HACD3: variants seen among roughly 807,000 people sequenced by gnomAD.
The protein encoded by HACD3 is 3-hydroxyacyl-CoA dehydratase 3, also known as very-long-chain (3R)-3-hydroxyacyl-CoA dehydratase 3.
HACD3 carries 30 observed loss-of-function variants against 55.2 expected under a neutral mutation model. The observed-to-expected ratio is 0.54, with a 90% CI of 0.41 to 0.74. The LOEUF is 0.74. Among genes scored for constraint, HACD3 ranks in the 30% least tolerant of loss-of-function variants. The probability of loss-of-function intolerance (pLI) is 0.00; values close to 1 mark genes in which losing one functional copy is unlikely to be tolerated. For synonymous variants in HACD3, 141 were observed against 151.7 expected (o/e 0.93, Z 0.52); for missense variants, 363 against 440.1 (o/e 0.82, Z 1.57).
intron 1 of HACD3, among the ~76,000 whole-genome samples, chr15:65,537,266 A>G (rs997661782): frequency 2.0e-5 from 3 of 152,220 alleles, no homozygotes; most frequent in East Asian, 3.9e-4. Flanking sequence ...CAGAAGATCT[A>G]ACTAAGATCC....
intron 10 of HACD3, among the ~76,000 whole-genome samples, chr15:65,575,127 A>T (rs1485265690): frequency 6.6e-6 from 1 of 152,028 alleles, no homozygotes; most frequent in Non-Finnish European, 1.5e-5. Flanking sequence ...TTTCACATTT[A>T]TAATTTTGAA....
chr15:65,546,682 C>A (rs1239606538), intron 1 of HACD3, among the ~76,000 whole-genome samples: 1 of 152,218 alleles, frequency 6.6e-6, no homozygotes, highest in Non-Finnish European at 1.5e-5. Context: ...ATCAAGTGAT[C>A]TGCCTGCTTT....
chr15:65,563,016 G>A, intron 6 of HACD3, 132 bp downstream of exon 6: 1 of 1,364,704 alleles, frequency 7.3e-7, no homozygotes, highest in African/African-American at 1.5e-5. Context: ...ACTTTTCGTT[G>A]TGCTTTCATA....
At chr15:65,573,688 T>G (rs2072373936) in intron 10 of HACD3, among the ~76,000 whole-genome samples, 3 of 152,212 alleles carry the variant, frequency 2.0e-5, no homozygotes, top group Admixed American at 2.0e-4. Flanking sequence ...ATATTATCTA[T>G]ACTATACTCT....
At chr15:65,556,935 G>C in intron 4 of HACD3, 32 bp downstream of exon 4, 2 of 1,583,876 alleles carry the variant, frequency 1.3e-6, no homozygotes, top group Non-Finnish European at 1.7e-6. Flanking sequence ...TAGCCATTGA[G>C]GACAAATCAT....
chr15:65,568,201 C>T (rs1434069350), intron 7 of HACD3, among the ~76,000 whole-genome samples: 2 of 151,736 alleles, frequency 1.3e-5, no homozygotes, highest in African/African-American at 2.4e-5. Context: ...GGATTACAGA[C>T]GTGAGCCACC....
intron 10 of HACD3, 61 bp downstream of exon 10, chr15:65,572,427 T>C (rs1050335401): frequency 7.0e-7 from 1 of 1,438,066 alleles, no homozygotes; most frequent in Admixed American, 2.7e-5. Flanking sequence ...TAGAATTAAA[T>C]CATTCAGAAA....
intron 5 of HACD3, among the ~76,000 whole-genome samples, chr15:65,561,239 G>A (rs536557109): frequency 2.6e-5 from 4 of 152,240 alleles, no homozygotes; most frequent in African/African-American, 9.6e-5. Flanking sequence ...GGCCAAGGTG[G>A]GCAGATCACC....
Position 65,569,234 on chromosome 15 carries a change from C to G in HACD3, c.661-857C>G, listed in dbSNP as rs1465823507. 4.0e-5 allele frequency among the ~76,000 whole-genome samples: 5 copies of G among 125,372 alleles called. No individual in the cohort carries two copies. The Admixed American group carries it at 4.1e-4, about 10-fold the overall frequency. The allele number at this position is 125,372 out of a possible 152,430, so 82.2% of individuals were successfully genotyped here. The stretch of plus-strand genomic sequence containing the variant: ...CTGCACTCCAGCCTGGACGACAGAG[C>G]GAGACTCTGTCTCAAAAAAAAAAAA... On this transcript the variant is annotated intron_variant, in intron 7 of 10. Transcript: ENST00000261875.
In HACD3 at chr15:65,530,611, C is replaced by T. The variant is rs377113434; in HGVS notation, c.-21C>T. On this transcript the variant is annotated 5_prime_UTR_variant, in exon 1 of 11. Coordinates refer to ENST00000261875, the MANE Select transcript of HACD3 (RefSeq NM_016395.4). Reference sequence around the variant, plus strand: ...CGAGGCGCAGCGAGCCTAGCCTCCCCGCGCCCTGGGCAGTGTGGCCATGGA... The same window carrying T: ...CGAGGCGCAGCGAGCCTAGCCTCCCTGCGCCCTGGGCAGTGTGGCCATGGA... 6.4e-7 allele frequency: 1 copy of T among 1,557,464 alleles called. No individual in the cohort carries two copies. Among genetic ancestry groups the T allele is most frequent in the Non-Finnish European group, 8.7e-7 (1 of 1,151,208 alleles).
rs150858661 is a variant in HACD3, at chr15:65,545,536, C to T, written c.88-6140C>T. Among the ~76,000 whole-genome samples the T allele has an allele frequency of 7.5e-3, 1,139 of 151,864 alleles. 14 individuals carry two copies. Among genetic ancestry groups the T allele is most frequent in the South Asian group, 0.045 (216 of 4,796 alleles). The stretch of plus-strand genomic sequence containing the variant: ...TCAGCTCATTGGAAGCTCCGCCTCC[C>T]GGGTTCACGCCATTCTCCTGCCTCA... On this transcript the variant is annotated intron_variant, in intron 1 of 10. Coordinates refer to ENST00000261875, the MANE Select transcript of HACD3 (RefSeq NM_016395.4).
At chr15:65,531,813 G>T (rs1264742156) in intron 1 of HACD3, among the ~76,000 whole-genome samples, 1 of 152,042 alleles carries the variant, frequency 6.6e-6, no homozygotes, top group African/African-American at 2.4e-5. Context: ...TGATCCACCC[G>T]TCTCGGCCTC....
chr15:65,556,789 A>G lies in HACD3; in HGVS notation c.255A>G (p.Lys85=), dbSNP rs368373666. ...AGGTAAACATTACAGTACAGAAGAA[A>G]GTGAGTCAGTGGTGGGAGAGACTCA... ...QRQVNITVQK[K]VSQWWERLTK... is the part of the protein sequence containing the mutation. The change falls in exon 4 of 11, where the codon AAA becomes AAG. Residue 85 remains lysine (K), a synonymous_variant. Transcript: ENST00000261875. 4 of 1,612,182 alleles carry G rather than the reference A, an allele frequency of 2.5e-6. No homozygotes were observed. Among genetic ancestry groups the G allele is most frequent in the Non-Finnish European group, 3.4e-6 (4 of 1,179,052 alleles).
chr15:65,562,339 A>T (rs538433240), intron 5 of HACD3, among the ~76,000 whole-genome samples: 3 of 152,224 alleles, frequency 2.0e-5, no homozygotes, highest in Non-Finnish European at 4.4e-5. Context: ...AAAGGAAGGC[A>T]GGGAAGGTCA....
chr15:65,530,492 G>C lies in HACD3; in HGVS notation c.-140G>C, dbSNP rs893372724. On this transcript the variant is annotated 5_prime_UTR_variant, in exon 1 of 11. Coordinates refer to ENST00000261875, the MANE Select transcript of HACD3 (RefSeq NM_016395.4). ...CTGCGCAGGCGCGGCCCGCGAGCGT[G>C]GGGTATCTCGAGGTGCCGGGTTGCA... 4.7e-5 allele frequency: 32 copies of C among 675,704 alleles called. No homozygotes were observed. The highest frequency in any genetic ancestry group is 4.6e-4 in the South Asian group (18 of 39,026). 41.9% of individuals were successfully genotyped at this position (675,704 alleles called of 1,614,324 possible).
chr15:65,538,993 A>G (rs1464351772), intron 1 of HACD3, among the ~76,000 whole-genome samples: 2 of 152,226 alleles, frequency 1.3e-5, no homozygotes, highest in African/African-American at 2.4e-5. Flanking sequence ...ATAGTATAAT[A>G]TAAACATAAC....
chr15:65,572,770 T>C (rs1277387066), intron 10 of HACD3, among the ~76,000 whole-genome samples: 1 of 151,546 alleles, frequency 6.6e-6, no homozygotes, highest in African/African-American at 2.4e-5. Flanking sequence ...CAAAAATTAG[T>C]TGGGTGTGGT....
intron 10 of HACD3, among the ~76,000 whole-genome samples, chr15:65,575,054 A>G (rs1056380641): frequency 6.6e-6 from 1 of 152,184 alleles, no homozygotes; most frequent in Non-Finnish European, 1.5e-5. Flanking sequence ...GTTCATATCT[A>G]CTTTGCTTAT....
In HACD3 at chr15:65,576,576, T is replaced by C. The variant is rs1008135726; in HGVS notation, c.*197T>C. The C allele has an allele frequency of 1.1e-5, 7 of 632,780 alleles. No individual in the cohort carries two copies. The highest frequency in any genetic ancestry group is 9.2e-5 in the African/African-American group (5 of 54,324). 39.2% of individuals were successfully genotyped at this position (632,780 alleles called of 1,614,324 possible). ...ACTTGCATGACATGGATTCCTGATA[T>C]CTGATGAGAGGTTCATTCTTGTGTA... On this transcript the variant is annotated 3_prime_UTR_variant, in exon 11 of 11. Transcript: ENST00000261875.
Sources: gnomAD v4.1 joint callset for allele counts (sites outside exome capture counted in the v4.1 genomes callset) on GRCh38, gnomAD v4.1.1 for gene constraint, MANE v1.5 for transcripts, NCBI Gene and HGNC (gene_info 2026-07-23, HGNC 2026-07-21) for gene names.